Variants in CTDSPL observed in about 807,000 individuals in gnomAD.
The protein encoded by CTDSPL is CTD small phosphatase-like protein.
A neutral mutation model predicts 30.5 loss-of-function variants in CTDSPL; 8 were observed. That is an observed-to-expected ratio of 0.26 (90% confidence interval 0.15 to 0.47). The LOEUF is 0.47. Ranked by LOEUF, CTDSPL falls within the 20% of genes least tolerant of loss-of-function variation. The probability of loss-of-function intolerance (pLI) is 0.99; values close to 1 mark genes in which losing one functional copy is unlikely to be tolerated. For synonymous variants in CTDSPL, 110 were observed against 137.9 expected, an observed-to-expected ratio of 0.80 and a Z score of 1.42; for missense variants, 248 against 366.1, an observed-to-expected ratio of 0.68 and a Z score of 2.63.
chr3:37,885,994 C>T (rs1398127588), intron 1 of CTDSPL, among the ~76,000 whole-genome samples: 1 of 152,172 alleles, frequency 6.6e-6, no homozygotes, highest in Non-Finnish European at 1.5e-5. Context: ...TTCCAGTTGA[C>T]ATGTTCCTCC....
At chr3:37,922,404 C>T (rs2125610996) in intron 1 of CTDSPL, among the ~76,000 whole-genome samples, 1 of 152,190 alleles carries the variant, frequency 6.6e-6, no homozygotes, top group Middle Eastern at 3.4e-3. Flanking sequence ...GCCTGTGTGA[C>T]CTGGGAAGCA....
chr3:37,984,458 T>A lies in CTDSPL; in HGVS notation c.*3591T>A. 1 of 385,036 alleles carries A rather than the reference T, an allele frequency of 2.6e-6. No homozygotes were observed. The allele number at this position is 385,036 out of a possible 1,614,324, so 23.9% of individuals were successfully genotyped here. A position where few individuals can be genotyped will look rare whatever the true frequency, so the allele number is the denominator to read the frequency against. The stretch of plus-strand genomic sequence containing the variant: ...ATTTCCTTCCTGCCAAAAATAAACA[T>A]GTGAAACTGCACTCTTTTGTGGATT... On this transcript the variant is annotated 3_prime_UTR_variant, in exon 8 of 8. Transcript: ENST00000273179.
intron 3 of CTDSPL, among the ~76,000 whole-genome samples, chr3:37,960,499 AAAAAAAATATATAT>A (rs1699226756): frequency 1.5e-5 from 1 of 64,836 alleles, no homozygotes; most frequent in African/African-American, 7.0e-5. Flanking sequence ...AAAAAAAAAA[AAAAAAAATATATAT>A]ATATATATAT....
chr3:37,913,051 C>A (rs948318049), intron 1 of CTDSPL, among the ~76,000 whole-genome samples: 1 of 152,142 alleles, frequency 6.6e-6, no homozygotes, highest in South Asian at 2.1e-4. Flanking sequence ...CCAGATGTGG[C>A]AGCTCACACC....
At chr3:37,893,795 A>G (rs1487023212) in intron 1 of CTDSPL, among the ~76,000 whole-genome samples, 10 of 152,218 alleles carry the variant, frequency 6.6e-5, no homozygotes, top group Non-Finnish European at 1.3e-4. Context: ...AGAGCAGATT[A>G]CAGAAAAGTA....
intron 1 of CTDSPL, among the ~76,000 whole-genome samples, chr3:37,924,312 C>A: frequency 6.6e-6 from 1 of 151,714 alleles, no homozygotes; most frequent in Non-Finnish European, 1.5e-5. Context: ...AATTGGAAGA[C>A]TTTTTTTTTA....
intron 1 of CTDSPL, among the ~76,000 whole-genome samples, chr3:37,886,516 G>A (rs1450864033): frequency 6.6e-6 from 1 of 152,140 alleles, no homozygotes; most frequent in Non-Finnish European, 1.5e-5. Context: ...CATTAGTTCT[G>A]TTCCAGTAAA....
rs543335033 is a variant in CTDSPL at position 37,967,355 on chromosome 3, C to T, written c.370-471C>T. On this transcript the variant is annotated intron_variant, in intron 4 of 7. Coordinates refer to ENST00000273179, the MANE Select transcript of CTDSPL (RefSeq NM_001008392.2). ...CATGGCCTTGTTACTGTTTTGAGTCCGTGTGGCCATCTTCTCCTGCTGAGC... is the reference window on the plus strand; with the variant it reads ...CATGGCCTTGTTACTGTTTTGAGTCTGTGTGGCCATCTTCTCCTGCTGAGC... 1.3e-4 allele frequency among the ~76,000 whole-genome samples: 20 copies of T among 152,368 alleles called. 1 individual carries two copies. Among genetic ancestry groups the T allele is most frequent in the South Asian group, 4.1e-4 (2 of 4,826 alleles).
intron 1 of CTDSPL, among the ~76,000 whole-genome samples, chr3:37,898,636 G>A (rs899996540): frequency 6.6e-6 from 1 of 151,820 alleles, no homozygotes; most frequent in African/African-American, 2.4e-5. Context: ...CATTCTATTT[G>A]GTCACTCAGC....
chr3:37,961,194 G>A (rs1055367063), intron 3 of CTDSPL, among the ~76,000 whole-genome samples: 1 of 152,070 alleles, frequency 6.6e-6, no homozygotes, highest in African/African-American at 2.4e-5. Context: ...ATCATGTTTT[G>A]CACGCCTATT....
intron 1 of CTDSPL, among the ~76,000 whole-genome samples, chr3:37,903,316 AG>A (rs138669302): frequency 0.044 from 6,754 of 152,332 alleles, 179 homozygotes; most frequent in African/African-American, 0.072. Flanking sequence ...AGGACAAATG[AG>A]GGAATATGTA....
chr3:37,928,571 T>G (rs1442028933), intron 1 of CTDSPL, among the ~76,000 whole-genome samples: 3 of 152,220 alleles, frequency 2.0e-5, no homozygotes, highest in African/African-American at 7.2e-5. Flanking sequence ...TGTTTTATTT[T>G]TTCTGTACTT....
chr3:37,914,204 C>A (rs2125607242), intron 1 of CTDSPL, among the ~76,000 whole-genome samples: 1 of 152,226 alleles, frequency 6.6e-6, no homozygotes, highest in East Asian at 1.9e-4. Flanking sequence ...TTGTAAATTG[C>A]AACTGAAAAT....
At chr3:37,918,453 T>G (rs1698674640) in intron 1 of CTDSPL, among the ~76,000 whole-genome samples, 1 of 152,180 alleles carries the variant, frequency 6.6e-6, no homozygotes, top group African/African-American at 2.4e-5. Context: ...CTTCTTGCAT[T>G]TTCTTTATTT....
intron 1 of CTDSPL, among the ~76,000 whole-genome samples, chr3:37,921,637 A>ACACACACACACACT (rs1471265575): frequency 2.0e-5 from 3 of 151,758 alleles, no homozygotes; most frequent in African/African-American, 7.3e-5. Flanking sequence ...ACACACACAC[A>ACACACACACACACT]CACACACTCA....
intron 1 of CTDSPL, among the ~76,000 whole-genome samples, chr3:37,921,555 G>A (rs1370134818): frequency 6.6e-6 from 1 of 151,268 alleles, no homozygotes; most frequent in Non-Finnish European, 1.5e-5. Context: ...TTTTCTCCCA[G>A]TACCTAGTTC....
At chr3:37,906,905 A>G (rs1269065507) in intron 1 of CTDSPL, among the ~76,000 whole-genome samples, 2 of 152,128 alleles carry the variant, frequency 1.3e-5, no homozygotes, top group African/African-American at 2.4e-5. Flanking sequence ...CACAGTGGTT[A>G]TGAGGTACAA....
intron 2 of CTDSPL, among the ~76,000 whole-genome samples, chr3:37,951,036 G>A (rs139278598): frequency 4.1e-4 from 62 of 152,184 alleles, no homozygotes; most frequent in Non-Finnish European, 4.1e-4. Context: ...TAAAAATCTG[G>A]GTGAGATTGA....
In CTDSPL at chr3:37,975,141, GGGAACACT is replaced by G. The variant is rs1180881183; in HGVS notation, c.520-565_520-558del. On this transcript the variant is annotated intron_variant, in intron 6 of 7. Coordinates refer to ENST00000273179, the MANE Select transcript of CTDSPL (RefSeq NM_001008392.2). The surrounding 1 kb of genome is among the most constrained non-coding windows in gnomAD (Gnocchi z 4.9). ...GAGCTGGGGAGAGAATGCATGCAGAGGGAACACTGGTACAAAGGTCCTGACCATACTCA... is the reference window on the plus strand; with the variant it reads ...GAGCTGGGGAGAGAATGCATGCAGAGGGTACAAAGGTCCTGACCATACTCA... Among the ~76,000 whole-genome samples, 1 of 152,240 alleles carries G rather than the reference GGGAACACT, an allele frequency of 6.6e-6. No individual in the cohort carries two copies. Among genetic ancestry groups the G allele is most frequent in the African/African-American group, 2.4e-5 (1 of 41,458 alleles).
Sources: gnomAD v4.1 joint callset for allele counts (sites outside exome capture counted in the v4.1 genomes callset) on GRCh38, gnomAD v4.1.1 for gene constraint, Gnocchi (gnomAD v3.1) non-coding constraint, MANE v1.5 for transcripts, NCBI Gene and HGNC (gene_info 2026-07-23, HGNC 2026-07-21) for gene names.